The following MKI67 variants were observed in gnomAD, a reference collection of about 807,000 sequenced individuals.
The protein encoded by MKI67 is marker of proliferation Ki-67.
A neutral mutation model predicts 233.5 loss-of-function variants in MKI67; 152 were observed. The observed-to-expected ratio is 0.65, with a 90% CI of 0.57 to 0.74. The LOEUF (loss-of-function observed/expected upper bound fraction) is 0.74. Among genes scored for constraint, MKI67 ranks in the 30% least tolerant of loss-of-function variants. MKI67 has a pLI of 0.00. For missense variants in MKI67, 3,940 were observed against 3,885.2 expected (o/e 1.01, Z -0.37); for synonymous variants, 1,465 against 1,418.5 (o/e 1.03, Z -0.74).
chr10:128,122,544 T>C (rs545695006), intron 4 of MKI67, among the ~76,000 whole-genome samples: 1 of 152,290 alleles, frequency 6.6e-6, no homozygotes, highest in Non-Finnish European at 1.5e-5. Flanking sequence ...TTTTGTACCT[T>C]TTTCTCTGTG....
chr10:128,100,381 TG>T (rs147978104), intron 14 of MKI67, among the ~76,000 whole-genome samples: 2,563 of 152,312 alleles, frequency 0.017, 70 homozygotes, highest in African/African-American at 0.059. Flanking sequence ...TCTTGGCAGT[TG>T]AAGCTTCCTA....
chr10:128,108,917 G>C lies in MKI67; in HGVS notation c.2923C>G (p.Leu975Val). Residue 975 changes from leucine to valine, a missense_variant, in exon 13 of 15, where the codon CTC (leucine) becomes GTC (valine). Physicochemically the swap from Leu to Val is conservative, Grantham distance 32. Coordinates refer to ENST00000368654, the MANE Select transcript of MKI67 (RefSeq NM_002417.5). ...TGGCCACGTGCCGTGTCTTTCATGA[G>C]TTCTGTATCAGGCAAGCTCTTGAGG... ...TDLKSLPDTE[L>V]MKDTARGQNL... is the part of the protein sequence containing the mutation. The C allele has an allele frequency of 1.9e-6, 3 of 1,614,220 alleles. No homozygotes were observed. The highest frequency in any genetic ancestry group is 2.5e-6 in the Non-Finnish European group (3 of 1,180,044).
At position 128,108,689 on chromosome 10, in the gene MKI67, T is replaced by A. The variant is rs1347726212; in HGVS notation, c.3151A>T (p.Thr1051Ser). ...VGKFTRTSGE[T>S]THTHREPAGD... Reference sequence around the variant, plus strand: ...GCTGGCTCTCTGTGCGTGTGCGTGGTCTCCCCTGACGTCCGTGTGAACTTG... The same window carrying A: ...GCTGGCTCTCTGTGCGTGTGCGTGGACTCCCCTGACGTCCGTGTGAACTTG... The change falls in exon 13 of 15, where the codon ACC (threonine) becomes TCC (serine). Residue 1051 changes from threonine (T) to serine (S), a missense_variant. Coordinates refer to ENST00000368654, the MANE Select transcript of MKI67 (RefSeq NM_002417.5). The A allele has an allele frequency of 5.6e-6, 9 of 1,614,202 alleles. No individual in the cohort carries two copies. Among genetic ancestry groups the A allele is most frequent in the Non-Finnish European group, 7.6e-6 (9 of 1,180,034 alleles).
Position 128,102,813 on chromosome 10 carries a change from G to T in MKI67, c.9027C>A (p.Thr3009=). The T allele has an allele frequency of 6.2e-7, 1 of 1,614,196 alleles. No homozygotes were observed. Among genetic ancestry groups the T allele is most frequent in the Non-Finnish European group, 8.5e-7 (1 of 1,180,044 alleles). The change falls in exon 13 of 15, where the codon ACC becomes ACA. Residue 3009 remains threonine (T), a synonymous_variant. Coordinates refer to ENST00000368654, the MANE Select transcript of MKI67 (RefSeq NM_002417.5). ...GGGKDGSVTG[T]KRLRCMPAPE... ...GTGCTGGCATGCAGCGCAGCCTCTT[G>T]GTTCCCGTGACGCTTCCATCTTTGC...
In MKI67 at chr10:128,125,565, G is replaced by A. The variant is rs756750321; in HGVS notation, c.92+11C>T. 6.2e-7 allele frequency: 1 copy of A among 1,610,394 alleles called. No homozygotes were observed. Among genetic ancestry groups the A allele is most frequent in the Admixed American group, 1.7e-5 (1 of 59,924 alleles). On this transcript the variant is annotated intron_variant, in intron 2 of 14. Transcript: ENST00000368654. The surrounding 1 kb of genome is among the most constrained non-coding windows in gnomAD (Gnocchi z 5.3). ...TCAGCTAAAACGTCCGCGCGCGCCC[G>A]CGGGGCTCACCTTCCAAACAAGCAG...
In MKI67 at chr10:128,105,263, C is replaced by A; in HGVS notation, c.6577G>T (p.Asp2193Tyr). Residue 2193 changes from aspartate to tyrosine, a missense_variant, in exon 13 of 15, where the codon GAC (aspartate) becomes TAC (tyrosine). Asp to Tyr is a radical substitution (Grantham distance 160). Coordinates refer to ENST00000368654, the MANE Select transcript of MKI67 (RefSeq NM_002417.5). ...AAGAGCTCTTTCAAGCCAGCCAAGT[C>A]TTCTAGGGGTTGGGCTTTTCCCTTA... Reference protein sequence around the residue: ...TPKGKAQPLEDLAGLKELFQT... With the variant: ...TPKGKAQPLEYLAGLKELFQT... 1 of 1,614,062 alleles carries A rather than the reference C, an allele frequency of 6.2e-7. No individual in the cohort carries two copies. Among genetic ancestry groups the A allele is most frequent in the Non-Finnish European group, 8.5e-7 (1 of 1,180,016 alleles).
Position 128,107,231 on chromosome 10 carries a change from C to G in MKI67, c.4609G>C (p.Ala1537Pro). ...ACTGCTGGTTTGGGTGTGTGCATGG[C>G]TTTGCCTGCTGATGGTGTTCGTTTC... ...LRKRTPSAGKAMHTPKPAVSG... is the reference protein window; with the variant it reads ...LRKRTPSAGKPMHTPKPAVSG... The change falls in exon 13 of 15, where the codon GCC becomes CCC. Residue 1537 changes from alanine to proline, a missense_variant. By Grantham distance (27) the Ala-to-Pro change is conservative (BLOSUM62 -1). Coordinates refer to ENST00000368654, the MANE Select transcript of MKI67 (RefSeq NM_002417.5). The G allele has an allele frequency of 2.5e-6, 4 of 1,614,134 alleles. No homozygotes were observed. The highest frequency in any genetic ancestry group is 3.4e-6 in the Non-Finnish European group (4 of 1,180,024).
intron 5 of MKI67, 100 bp downstream of exon 5, chr10:128,119,153 C>G (rs1464884745): frequency 2.4e-6 from 2 of 847,704 alleles, no homozygotes; most frequent in South Asian, 1.5e-5. Context: ...CAGTAACCAC[C>G]CTCTTTGTAA....
chr10:128,114,775 C>T (rs1457921455), intron 7 of MKI67, among the ~76,000 whole-genome samples, 153 bp downstream of exon 7: 1 of 152,176 alleles, frequency 6.6e-6, no homozygotes, highest in Non-Finnish European at 1.5e-5. Flanking sequence ...CATCTATTAG[C>T]GAAAACAGCG....
At chr10:128,116,906 C>CA (rs1251336682) in intron 5 of MKI67, among the ~76,000 whole-genome samples, 1 of 152,038 alleles carries the variant, frequency 6.6e-6, no homozygotes, top group African/African-American at 2.4e-5. Flanking sequence ...GACTCTGTCT[C>CA]AAAAAATAAA....
chr10:128,104,188 T>G lies in MKI67; in HGVS notation c.7652A>C (p.Glu2551Ala). Residue 2551 changes from glutamate (E) to alanine (A), a missense_variant, in exon 13 of 15, where the codon GAA becomes GCA. Transcript: ENST00000368654. Reference sequence around the variant, plus strand: ...CAGGTCTTCTAGAGCACGGGCCTTTTCCTTACGAGTTCTCAGCTGCCTCCT... The same window carrying G: ...CAGGTCTTCTAGAGCACGGGCCTTTGCCTTACGAGTTCTCAGCTGCCTCCT... ...GSRRQLRTRK[E>A]KARALEDLVD... is the part of the protein sequence containing the mutation. 1 of 1,613,972 alleles carries G rather than the reference T, an allele frequency of 6.2e-7. No individual in the cohort carries two copies. The highest frequency in any genetic ancestry group is 8.5e-7 in the Non-Finnish European group (1 of 1,179,992).
intron 4 of MKI67, among the ~76,000 whole-genome samples, chr10:128,121,549 ATATG>A (rs1852946613): frequency 7.5e-6 from 1 of 133,682 alleles, no homozygotes; most frequent in Admixed American, 8.4e-5. Flanking sequence ...TTATAATTAT[ATATG>A]ATTATATATA....
chr10:128,106,153 A>C lies in MKI67; in HGVS notation c.5687T>G (p.Leu1896Arg), dbSNP rs202095944. ...CATGGCTTTGCCTGCTGATGGTGTT[A>C]GTTTCCTGAATGCTAAAAATTCTTC... ...VEEEFLAFRK[L>R]TPSAGKAMHT... is the part of the protein sequence containing the mutation. Residue 1896 changes from leucine to arginine, a missense_variant, in exon 13 of 15, where the codon CTA becomes CGA. Transcript: ENST00000368654. The C allele has an allele frequency of 2.5e-6, 4 of 1,603,946 alleles. No individual in the cohort carries two copies. The highest frequency in any genetic ancestry group is 2.8e-5 in the African/African-American group (2 of 71,676).
chr10:128,125,760 C>A lies in MKI67; in HGVS notation c.-89-4G>T, dbSNP rs899638703. The A allele has an allele frequency of 4.8e-6, 5 of 1,047,266 alleles. No individual in the cohort carries two copies. The Admixed American group carries it at 5.3e-5, about 11-fold the overall frequency. 64.9% of individuals were successfully genotyped at this position (1,047,266 alleles called of 1,614,324 possible). A position where few individuals can be genotyped will look rare whatever the true frequency, so the allele number is the denominator to read the frequency against. On this transcript the variant is annotated splice_polypyrimidine_tract_variant and splice_region_variant and intron_variant, in intron 1 of 14. Transcript: ENST00000368654. The surrounding 1 kb of genome is among the most constrained non-coding windows in gnomAD (Gnocchi z 5.3). ...AAGCAAATTTACAACTCTTCCACTG[C>A]AAAAGAGGTGCGAGTTACTCTGATA... is the stretch of plus-strand genomic sequence containing the variant.
rs983001781 is a variant in MKI67 at position 128,126,164 on chromosome 10, G to C, written c.-155C>G. On this transcript the variant is annotated 5_prime_UTR_variant, in exon 1 of 15. Transcript: ENST00000368654. ...GCTCGTCAAGTCGCACCCAAAGTCC[G>C]CCGCAGGAGGAGCCGGCGCCGCGCT... The C allele has an allele frequency of 1.9e-5, 3 of 158,154 alleles. No homozygotes were observed. In the Admixed American group the frequency reaches 1.9e-4, roughly 10 times the overall value. 9.8% of individuals were successfully genotyped at this position (158,154 alleles called of 1,614,324 possible). A position where few individuals can be genotyped will look rare whatever the true frequency, so the allele number is the denominator to read the frequency against.
At position 128,106,166 on chromosome 10, in the gene MKI67, C is replaced by A; in HGVS notation, c.5674G>T (p.Ala1892Ser). 1.2e-6 allele frequency: 2 copies of A among 1,613,502 alleles called. No homozygotes were observed. Among genetic ancestry groups the A allele is most frequent in the Non-Finnish European group, 1.7e-6 (2 of 1,179,888 alleles). ...GCTGATGGTGTTAGTTTCCTGAATG[C>A]TAAAAATTCTTCCTCTACGTCTGCT... ...KKADVEEEFLAFRKLTPSAGK... is the reference protein window; with the variant it reads ...KKADVEEEFLSFRKLTPSAGK... The change falls in exon 13 of 15, where the codon GCA (alanine) becomes TCA (serine). Residue 1892 changes from alanine (A) to serine (S), a missense_variant. Ala to Ser is a moderately conservative substitution (Grantham distance 99, BLOSUM62 1). Transcript: ENST00000368654.
Position 128,102,866 on chromosome 10 carries a change from G to A in MKI67, c.8974C>T (p.Pro2992Ser), listed in dbSNP as rs1369390288. 1.1e-5 allele frequency: 17 copies of A among 1,614,060 alleles called. No individual in the cohort carries two copies. Among genetic ancestry groups the A allele is most frequent in the East Asian group, 2.2e-5 (1 of 44,898 alleles). The change falls in exon 13 of 15, where the codon CCC (proline) becomes TCC (serine). Residue 2992 changes from proline to serine, a missense_variant. By Grantham distance (74) the Pro-to-Ser change is moderately conservative (BLOSUM62 -1). Coordinates refer to ENST00000368654, the MANE Select transcript of MKI67 (RefSeq NM_002417.5). ...CCTCCCCTCTTGAAGGGCAGTGGGGGCAGGGAAGTGTTGCTTTTGCTTTGT... is the reference window on the plus strand; with the variant it reads ...CCTCCCCTCTTGAAGGGCAGTGGGGACAGGGAAGTGTTGCTTTTGCTTTGT... ...KSQSKSNTSLPPLPFKRGGGK... is the reference protein window; with the variant it reads ...KSQSKSNTSLSPLPFKRGGGK...
rs771120420 is a variant in MKI67, at chr10:128,106,189, G to C, written c.5651C>G (p.Ala1884Gly). 2 of 1,613,514 alleles carry C rather than the reference G, an allele frequency of 1.2e-6. No homozygotes were observed. The highest frequency in any genetic ancestry group is 2.7e-5 in the African/African-American group (2 of 74,692). ...KQRPKRSLKK[A>G]DVEEEFLAFR... ...TGCTAAAAATTCTTCCTCTACGTCT[G>C]CTTTCTTGAGGCTTCTCTTGGGCCG... is the stretch of plus-strand genomic sequence containing the variant. Residue 1884 changes from alanine (A) to glycine (G), a missense_variant, in exon 13 of 15, where the codon GCA becomes GGA. By Grantham distance (60) the Ala-to-Gly change is moderately conservative (BLOSUM62 0). Coordinates refer to ENST00000368654, the MANE Select transcript of MKI67 (RefSeq NM_002417.5).
At position 128,105,878 on chromosome 10, in the gene MKI67, G is replaced by C. The variant is rs140448297; in HGVS notation, c.5962C>G (p.Pro1988Ala). The part of the protein sequence containing the change: ...EVSCKSPQPD[P>A]VKTPTSSKQR... ...TTGGAGCTTGTTGGGGTTTTGACTGGGTCTGGTTGTGGAGATTTGCAGGAT... is the reference window on the plus strand; with the variant it reads ...TTGGAGCTTGTTGGGGTTTTGACTGCGTCTGGTTGTGGAGATTTGCAGGAT... The change falls in exon 13 of 15, where the codon CCA becomes GCA. Residue 1988 changes from proline (P) to alanine (A), a missense_variant. Pro to Ala is a conservative substitution (Grantham distance 27, BLOSUM62 -1). Coordinates refer to ENST00000368654, the MANE Select transcript of MKI67 (RefSeq NM_002417.5). 259 of 1,613,110 alleles carry C rather than the reference G, an allele frequency of 1.6e-4. 1 individual carries two copies. The African/African-American group carries it at 2.8e-3, about 17-fold the overall frequency.
Sources: gnomAD v4.1 joint callset for allele counts (sites outside exome capture counted in the v4.1 genomes callset) on GRCh38, gnomAD v4.1.1 for gene constraint, Gnocchi (gnomAD v3.1) non-coding constraint, MANE v1.5 for transcripts, NCBI Gene and HGNC (gene_info 2026-07-23, HGNC 2026-07-21) for gene names.